The following CCDC187 variants were observed in gnomAD, a reference collection of about 807,000 sequenced individuals.
CCDC187 encodes coiled-coil domain-containing protein 187.
CCDC187 carries 32 observed loss-of-function variants against 38.0 expected under a neutral mutation model. That is an observed-to-expected ratio of 0.84 (90% CI 0.64 to 1.13). The LOEUF (loss-of-function observed/expected upper bound fraction) is 1.13, where lower values mean the gene tolerates loss of function less well. CCDC187 is among the 50% of genes most tolerant of loss of function. The pLI, the probability that CCDC187 is intolerant of heterozygous loss-of-function variation, is 0.00. For missense variants in CCDC187, 707 were observed against 786.8 expected (o/e 0.90, Z 1.21); for synonymous variants, 333 against 347.9 (o/e 0.96, Z 0.48).
intron 12 of CCDC187, among the ~76,000 whole-genome samples, chr9:136,275,953 G>C (rs1830923270): frequency 6.6e-6 from 1 of 152,172 alleles, no homozygotes; most frequent in East Asian, 1.9e-4. Context: ...CTGTGACCCA[G>C]CTCTGGTTCC....
At chr9:136,305,246 G>A (rs956460420), upstream of CCDC187, among the ~76,000 whole-genome samples, 2 of 152,244 alleles carry the variant, frequency 1.3e-5, no homozygotes, top group Admixed American at 6.5e-5. Flanking sequence ...CTGTGATGAG[G>A]CAGGGACAAG....
rs1830663982 is a variant in CCDC187, at chr9:136,260,159, G to A, written c.4170C>T (p.Pro1390=). The change falls in exon 20 of 26, where the codon CCC becomes CCT. Residue 1390 remains proline (P), a synonymous_variant. Coordinates refer to ENST00000638797, the MANE Select transcript of CCDC187 (RefSeq NM_001378188.1). Reference sequence around the variant, plus strand: ...TGCCACTCTCCACCAGCGGGCCCTGGGGGTCGTGTGTGTCCTCGCCCCATG... The same window carrying A: ...TGCCACTCTCCACCAGCGGGCCCTGAGGGTCGTGTGTGTCCTCGCCCCATG... ...RPAWGEDTHD[P]QGPLVESGSH... 1.0e-6 allele frequency: 1 copy of A among 985,306 alleles called. No homozygotes were observed. The highest frequency in any genetic ancestry group is 4.7e-5 in the South Asian group (1 of 21,290). 61.0% of individuals were successfully genotyped at this position (985,306 alleles called of 1,614,324 possible).
At chr9:136,287,163 G>A (rs879210526) in intron 7 of CCDC187, among the ~76,000 whole-genome samples, 22,282 of 152,130 alleles carry the variant, frequency 0.15, 1,828 homozygotes, top group East Asian at 0.25. Flanking sequence ...CCGACACGGC[G>A]GAATAGTATT....
At chr9:136,297,490 C>T in intron 4 of CCDC187, among the ~76,000 whole-genome samples, 1 of 152,282 alleles carries the variant, frequency 6.6e-6, no homozygotes, top group Middle Eastern at 3.4e-3. Flanking sequence ...GGACAGGAAC[C>T]ACCTGCTGCT....
chr9:136,251,365 C>T lies in CCDC187; in HGVS notation c.*2229G>A, dbSNP rs78498119. Reference sequence around the variant, plus strand: ...CACTGATCCCCAGAGGAAAAGCCCCCGGCCGTGCGGGCTGCGCAGAAATGA... The same window carrying T: ...CACTGATCCCCAGAGGAAAAGCCCCTGGCCGTGCGGGCTGCGCAGAAATGA... On this transcript the variant is annotated 3_prime_UTR_variant, in exon 26 of 26. Transcript: ENST00000638797. 0.037 allele frequency: 10,077 copies of T among 272,004 alleles called. 350 individuals carry two copies. The highest frequency in any genetic ancestry group is 0.17 in the East Asian group (1,906 of 10,956). The allele number at this position is 272,004 out of a possible 1,614,324, so 16.8% of individuals were successfully genotyped here. A position where few individuals can be genotyped will look rare whatever the true frequency, so the allele number is the denominator to read the frequency against.
intron 8 of CCDC187, 64 bp downstream of exon 8, chr9:136,286,021 T>C (rs1831170756): frequency 1.3e-5 from 5 of 397,570 alleles, no homozygotes; most frequent in Non-Finnish European, 2.2e-5. Context: ...GGGGTCCCCA[T>C]TCCTCCCAGC....
rs1830725800 is a variant in CCDC187 at position 136,264,802 on chromosome 9, C to A, written c.3736-1004G>T. Among the ~76,000 whole-genome samples the A allele has an allele frequency of 6.6e-6, 1 of 151,986 alleles. No individual in the cohort carries two copies. The highest frequency in any genetic ancestry group is 1.5e-5 in the Non-Finnish European group (1 of 67,962). On this transcript the variant is annotated intron_variant, in intron 17 of 25. Transcript: ENST00000638797. This position sits in a 1 kb window ranked among gnomAD's most constrained non-coding sequence, Gnocchi z 4.3. Reference sequence around the variant, plus strand: ...ACAAGGTCTCACTCTGTTGCCCAGGCTGGAGTGCAGTGGTGCAAGCTCAGC... The same window carrying A: ...ACAAGGTCTCACTCTGTTGCCCAGGATGGAGTGCAGTGGTGCAAGCTCAGC...
In CCDC187 at chr9:136,257,466, C is replaced by A. The variant is rs912337385; in HGVS notation, c.4367-625G>T. ...CTTTTGCCAGAGCTTGTTCTTCCCC[C>A]TCGGTGCCGTCCGACAGACACTGGT... On this transcript the variant is annotated intron_variant, in intron 22 of 25. Coordinates refer to ENST00000638797, the MANE Select transcript of CCDC187 (RefSeq NM_001378188.1). This position sits in a 1 kb window ranked among gnomAD's most constrained non-coding sequence, Gnocchi z 4.5. 6.6e-6 allele frequency among the ~76,000 whole-genome samples: 1 copy of A among 152,182 alleles called. No homozygotes were observed. Among genetic ancestry groups the A allele is most frequent in the Non-Finnish European group, 1.5e-5 (1 of 68,038 alleles).
rs1830648135 is a variant in CCDC187 at position 136,258,927 on chromosome 9, C to T, written c.4366+5G>A. 2.8e-5 allele frequency: 28 copies of T among 985,546 alleles called. No homozygotes were observed. The highest frequency in any genetic ancestry group is 3.4e-5 in the Non-Finnish European group (28 of 830,018). The allele number at this position is 985,546 out of a possible 1,614,324, so 61.1% of individuals were successfully genotyped here. A position where few individuals can be genotyped will look rare whatever the true frequency, so the allele number is the denominator to read the frequency against. ...AGGCCCACGCGGTGTTTCCAGGGTG[C>T]TTACCTGGGGGTGGCTCCTTCACCT... On this transcript the variant is annotated splice_donor_5th_base_variant and intron_variant, in intron 22 of 25. Transcript: ENST00000638797. This position sits in a 1 kb window ranked among gnomAD's most constrained non-coding sequence, Gnocchi z 4.3.
At chr9:136,270,799 T>C (rs376072500) in intron 14 of CCDC187, among the ~76,000 whole-genome samples, 1 of 152,196 alleles carries the variant, frequency 6.6e-6, no homozygotes, top group East Asian at 1.9e-4. Flanking sequence ...GCGGCCCTTA[T>C]GCGGGTGTGA....
chr9:136,267,091 A>G lies in CCDC187; in HGVS notation c.3647+293T>C, dbSNP rs182368485. 791 of 154,830 alleles carry G rather than the reference A, an allele frequency of 5.1e-3. 27 individuals carry two copies. The highest frequency in any genetic ancestry group is 3.2e-3 in the East Asian group (17 of 5,280). The allele number at this position is 154,830 out of a possible 1,614,324, so 9.6% of individuals were successfully genotyped here. The stretch of plus-strand genomic sequence containing the variant: ...GCAACAAGAGCGAAACTCTGTCTCA[A>G]AACAAAACAAAACAAAACAAAAAAA... On this transcript the variant is annotated intron_variant, in intron 16 of 25. Coordinates refer to ENST00000638797, the MANE Select transcript of CCDC187 (RefSeq NM_001378188.1).
In CCDC187 at chr9:136,289,854, G is replaced by A. The variant is rs979807710; in HGVS notation, c.2222+105C>T. The A allele has an allele frequency of 2.1e-4, 83 of 395,096 alleles. 1 individual carries two copies. The East Asian group carries it at 2.1e-3, about 10-fold the overall frequency. 24.5% of individuals were successfully genotyped at this position (395,096 alleles called of 1,614,324 possible). On this transcript the variant is annotated intron_variant, in intron 7 of 25. Transcript: ENST00000638797. Reference sequence around the variant, plus strand: ...GCCTGCCCCACCTGAGGAGCCTCTCGGTCATGAGGCAATGTCACGAGGGCC... The same window carrying A: ...GCCTGCCCCACCTGAGGAGCCTCTCAGTCATGAGGCAATGTCACGAGGGCC...
At position 136,251,009 on chromosome 9, in the gene CCDC187, C is replaced by T. The variant is rs1007387978; in HGVS notation, c.*2585G>A. 18 of 456,268 alleles carry T rather than the reference C, an allele frequency of 3.9e-5. No individual in the cohort carries two copies. Among genetic ancestry groups the T allele is most frequent in the East Asian group, 1.4e-4 (2 of 14,390 alleles). The allele number at this position is 456,268 out of a possible 1,614,324, so 28.3% of individuals were successfully genotyped here. On this transcript the variant is annotated 3_prime_UTR_variant, in exon 26 of 26. Transcript: ENST00000638797. The stretch of plus-strand genomic sequence containing the variant: ...GACCTGGCATCTTAGGGCTTTGCCA[C>T]GCCAGCTTTGTGATGCCTCCCACCA...
chr9:136,296,790 G>A (rs1418942037), intron 4 of CCDC187, among the ~76,000 whole-genome samples: 1 of 152,246 alleles, frequency 6.6e-6, no homozygotes, highest in Non-Finnish European at 1.5e-5. Flanking sequence ...TCAGCAGGGA[G>A]ATGCCTGGAT....
At chr9:136,268,643 T>G (rs1445189709) in intron 14 of CCDC187, among the ~76,000 whole-genome samples, 1 of 151,954 alleles carries the variant, frequency 6.6e-6, no homozygotes, top group Non-Finnish European at 1.5e-5. Context: ...AGGGACTGGA[T>G]TTTGGCTTTG....
At chr9:136,287,307 T>C (rs1393862166) in intron 7 of CCDC187, among the ~76,000 whole-genome samples, 1 of 152,122 alleles carries the variant, frequency 6.6e-6, no homozygotes, top group Non-Finnish European at 1.5e-5. Flanking sequence ...TGAATAAACA[T>C]AGAAATGAGC....
At chr9:136,292,734 GC>G in intron 4 of CCDC187, among the ~76,000 whole-genome samples, 1 of 152,294 alleles carries the variant, frequency 6.6e-6, no homozygotes, top group South Asian at 2.1e-4. Context: ...ATCGGGCTCC[GC>G]GCAGCACGGG....
chr9:136,274,603 G>C (rs555283991), intron 14 of CCDC187, 55 bp downstream of exon 14: 1 of 152,480 alleles, frequency 6.6e-6, no homozygotes, highest in East Asian at 1.9e-4. Flanking sequence ...GGTTCACACT[G>C]GCCGAGGGCT....
intron 14 of CCDC187, among the ~76,000 whole-genome samples, chr9:136,270,565 C>T (rs1554762262): frequency 6.6e-6 from 1 of 152,226 alleles, no homozygotes; most frequent in African/African-American, 2.4e-5. Flanking sequence ...ATGGGAGGAA[C>T]ATGAAAGTAG....
Sources: allele counts gnomAD v4.1 joint callset (sites outside exome capture counted in the v4.1 genomes callset), GRCh38; gene constraint gnomAD v4.1.1; non-coding constraint Gnocchi (gnomAD v3.1); transcripts MANE v1.5; gene names NCBI Gene and HGNC (gene_info 2026-07-23, HGNC 2026-07-21).